The following WNK1 variants were observed in gnomAD, a reference collection of about 807,000 sequenced individuals.
WNK1 encodes the protein WNK lysine deficient protein kinase 1.
A neutral mutation model predicts 222.8 loss-of-function variants in WNK1; 38 were observed. The ratio of observed to expected loss-of-function variants is 0.17; its 90% CI spans 0.13 to 0.22. WNK1 has a LOEUF of 0.22. Ranked by LOEUF, WNK1 falls within the 10% of genes least tolerant of loss-of-function variation. WNK1 has a pLI of 1.00. For missense variants in WNK1, 2,348 were observed against 2,918.4 expected (o/e 0.80, Z 4.50); for synonymous variants, 1,090 against 1,092.9 (o/e 1.00, Z 0.05).
At position 884,389 on chromosome 12, in the gene WNK1, T is replaced by C; in HGVS notation, c.3844+146T>C. On this transcript the variant is annotated intron_variant, in intron 18 of 27. Coordinates refer to ENST00000315939, the MANE Select transcript of WNK1 (RefSeq NM_018979.4). The surrounding 1 kb of genome is among the most constrained non-coding windows in gnomAD (Gnocchi z 5.6). ...AAGTTATAACCAACAGATAAACATA[T>C]GGGAGAGGGAAATAGATGAAGAATA... 7.7e-7 allele frequency: 1 copy of C among 1,302,344 alleles called. No individual in the cohort carries two copies. The highest frequency in any genetic ancestry group is 1.1e-6 in the Non-Finnish European group (1 of 928,582). The allele number at this position is 1,302,344 out of a possible 1,614,324, so 80.7% of individuals were successfully genotyped here.
chr12:880,847 A>G lies in WNK1; in HGVS notation c.2959A>G (p.Thr987Ala), dbSNP rs1384581028. Residue 987 changes from threonine (T) to alanine (A), a missense_variant, in exon 12 of 28, where the codon ACA (threonine) becomes GCA (alanine). Transcript: ENST00000315939. ...TCCCATGCCGACAGAAGTACTGGCT[A>G]CACCTGGGTACTTTCCCACAGTGGT... ...SPPMPTEVLA[T>A]PGYFPTVVQP... The G allele has an allele frequency of 5.6e-6, 9 of 1,613,990 alleles. No individual in the cohort carries two copies. Among genetic ancestry groups the G allele is most frequent in the Admixed American group, 3.3e-5 (2 of 60,006 alleles).
At chr12:861,444 A>G in intron 7 of WNK1, 101 bp downstream of exon 7, 1 of 1,071,792 alleles carries the variant, frequency 9.3e-7, no homozygotes, top group East Asian at 2.5e-5. Context: ...TGAATTATGA[A>G]TCCTACTATT....
chr12:767,122 T>C (rs12310089), intron 1 of WNK1, among the ~76,000 whole-genome samples: 7,398 of 152,076 alleles, frequency 0.049, 332 homozygotes, highest in Admixed American at 0.11. Context: ...TCAAACAGGT[T>C]CATGCTCTCT....
At chr12:786,470 T>G (rs1298888323) in intron 1 of WNK1, among the ~76,000 whole-genome samples, 1 of 52,894 alleles carries the variant, frequency 1.9e-5, no homozygotes, top group Non-Finnish European at 5.4e-5. Flanking sequence ...CTATCTTCCC[T>G]TTTTTTTTTT....
chr12:766,681 G>A (rs555594183), intron 1 of WNK1, among the ~76,000 whole-genome samples: 1 of 152,174 alleles, frequency 6.6e-6, no homozygotes, highest in Admixed American at 6.5e-5. Context: ...GTTTCACCAT[G>A]TTGGTTGGGC....
chr12:900,645 A>G lies in WNK1; in HGVS notation c.6618A>G (p.Val2206=). Residue 2206 remains valine (V), a synonymous_variant, in exon 26 of 28, where the codon GTA becomes GTG. Transcript: ENST00000315939. ...TCACCAGTGATGGTGCCATTTCAGT[A>G]CCAAGCCTTTCTGCTCCAGGTCAAG... ...SAFTSDGAIS[V]PSLSAPGQGT... 6.2e-7 allele frequency: 1 copy of G among 1,614,184 alleles called. No individual in the cohort carries two copies. Among genetic ancestry groups the G allele is most frequent in the Non-Finnish European group, 8.5e-7 (1 of 1,180,040 alleles).
At chr12:823,318 C>T (rs980745789) in intron 2 of WNK1, among the ~76,000 whole-genome samples, 1 of 151,618 alleles carries the variant, frequency 6.6e-6, no homozygotes, top group Non-Finnish European at 1.5e-5. Context: ...AGATTCATGT[C>T]TTTTACTAAG....
chr12:773,072 A>G (rs1942722601), intron 1 of WNK1, among the ~76,000 whole-genome samples: 1 of 152,196 alleles, frequency 6.6e-6, no homozygotes, highest in Admixed American at 6.5e-5. Context: ...CAGCCTGACC[A>G]ACATGGAGAA....
chr12:796,361 C>T (rs1241056897), intron 1 of WNK1, among the ~76,000 whole-genome samples: 6 of 151,992 alleles, frequency 3.9e-5, no homozygotes, highest in African/African-American at 1.5e-4. Context: ...GTATAGGAAC[C>T]AGAGAAATTA....
chr12:893,177 A>G (rs1386157800), intron 22 of WNK1, among the ~76,000 whole-genome samples: 2 of 152,078 alleles, frequency 1.3e-5, no homozygotes, highest in African/African-American at 4.8e-5. Context: ...GGATCACCTG[A>G]GCCTGGGAGG....
chr12:789,500 TC>T (rs975607421), intron 1 of WNK1, among the ~76,000 whole-genome samples: 6 of 151,834 alleles, frequency 4.0e-5, no homozygotes. Context: ...TGTTCTCTGT[TC>T]AGTGTCCTAG....
chr12:777,847 A>G (rs949896156), intron 1 of WNK1, among the ~76,000 whole-genome samples: 2 of 152,186 alleles, frequency 1.3e-5, no homozygotes, highest in Non-Finnish European at 2.9e-5. Flanking sequence ...AGTTTACAGT[A>G]TTTATCATCT....
At chr12:819,590 T>C (rs1298789359) in intron 2 of WNK1, among the ~76,000 whole-genome samples, 1 of 152,180 alleles carries the variant, frequency 6.6e-6, no homozygotes, top group African/African-American at 2.4e-5. Context: ...TGTATCTGCT[T>C]TGTCTTTTGA....
chr12:885,864 C>T lies in WNK1; in HGVS notation c.5060C>T (p.Thr1687Ile). Reference sequence around the variant, plus strand: ...GAGACCTCACTAGTCATAGAGAGCACTGTCACACCAGGCATCCCAACTACT... The same window carrying T: ...GAGACCTCACTAGTCATAGAGAGCATTGTCACACCAGGCATCCCAACTACT... ...SLETSLVIES[T>I]VTPGIPTTAV... The change falls in exon 19 of 28, where the codon ACT becomes ATT. Residue 1687 changes from threonine to isoleucine, a missense_variant. Thr to Ile is a moderately conservative substitution (Grantham distance 89, BLOSUM62 -1). Transcript: ENST00000315939. 1 of 1,613,682 alleles carries T rather than the reference C, an allele frequency of 6.2e-7. No individual in the cohort carries two copies. The highest frequency in any genetic ancestry group is 8.5e-7 in the Non-Finnish European group (1 of 1,179,628).
chr12:772,834 C>T (rs539769738), intron 1 of WNK1, among the ~76,000 whole-genome samples: 1 of 152,172 alleles, frequency 6.6e-6, no homozygotes, highest in African/African-American at 2.4e-5. Flanking sequence ...CAGAGATTTG[C>T]AAGAAAGTCC....
intron 9 of WNK1, among the ~76,000 whole-genome samples, chr12:872,148 G>A (rs1952208896): frequency 6.6e-6 from 1 of 151,406 alleles, no homozygotes; most frequent in African/African-American, 2.4e-5. Context: ...TTTATTTTGA[G>A]ACAGCCTTGC....
At chr12:812,849 GA>G (rs1271828183) in intron 1 of WNK1, among the ~76,000 whole-genome samples, 8 of 151,712 alleles carry the variant, frequency 5.3e-5, no homozygotes, top group Admixed American at 1.3e-4. Flanking sequence ...GTTGGAAGGG[GA>G]AAAAAAGAGA....
chr12:844,421 C>T (rs887458610), intron 4 of WNK1, among the ~76,000 whole-genome samples: 20 of 152,136 alleles, frequency 1.3e-4, no homozygotes. Flanking sequence ...CAGGCGTGAA[C>T]GACCACGCCA....
At chr12:903,481 T>C (rs1955443686) in intron 26 of WNK1, among the ~76,000 whole-genome samples, 1 of 152,136 alleles carries the variant, frequency 6.6e-6, no homozygotes, top group South Asian at 2.1e-4. Context: ...GTCAGGCCTA[T>C]GGTCTACAGC....
Sources: allele counts gnomAD v4.1 joint callset (sites outside exome capture counted in the v4.1 genomes callset), GRCh38; gene constraint gnomAD v4.1.1; non-coding constraint Gnocchi (gnomAD v3.1); transcripts MANE v1.5; gene names NCBI Gene and HGNC (gene_info 2026-07-23, HGNC 2026-07-21).